AIG1: variants seen among roughly 807,000 people sequenced by gnomAD.
AIG1 encodes the protein androgen induced 1, also known as androgen-induced gene 1 protein.
In AIG1, 23 loss-of-function variants were observed where a neutral mutation model predicts 31.4. The observed-to-expected ratio is 0.73, with a 90% CI of 0.53 to 1.04. The LOEUF (loss-of-function observed/expected upper bound fraction) is 1.04. Ranked by LOEUF, AIG1 falls within the 50% of genes least tolerant of loss-of-function variation. The probability of loss-of-function intolerance (pLI) is 0.00; values close to 1 mark genes in which losing one functional copy is unlikely to be tolerated. For synonymous variants in AIG1, 100 were observed against 110.5 expected (o/e 0.90, Z 0.60); for missense variants, 274 against 295.0 (o/e 0.93, Z 0.52).
chr6:143,244,100 T>C (rs1050699637), intron 3 of AIG1, among the ~76,000 whole-genome samples: 1 of 152,220 alleles, frequency 6.6e-6, no homozygotes, highest in Non-Finnish European at 1.5e-5. Flanking sequence ...GAGGGAATCA[T>C]ACCCAGCAGC....
chr6:143,060,555 C>T, upstream of AIG1: 1 of 342,830 alleles, frequency 2.9e-6, no homozygotes, highest in Non-Finnish European at 6.5e-6. Context: ...CCCGAGCCCT[C>T]GTAGCACTCA....
At chr6:143,099,305 A>G (rs1780048261) in intron 1 of AIG1, among the ~76,000 whole-genome samples, 1 of 152,236 alleles carries the variant, frequency 6.6e-6, no homozygotes, top group Admixed American at 6.5e-5. Context: ...TTTCTAACTA[A>G]CAATGTAGAT....
intron 3 of AIG1, among the ~76,000 whole-genome samples, chr6:143,252,002 G>A (rs888580270): frequency 6.6e-6 from 1 of 152,068 alleles, no homozygotes; most frequent in African/African-American, 2.4e-5. Flanking sequence ...TGTCCCTTTC[G>A]CGTATCACTT....
chr6:143,272,027 T>C (rs1796560479), intron 3 of AIG1, among the ~76,000 whole-genome samples: 1 of 152,206 alleles, frequency 6.6e-6, no homozygotes. Flanking sequence ...CCTAAAGTAC[T>C]TCCAATGCAT....
intron 3 of AIG1, among the ~76,000 whole-genome samples, chr6:143,265,793 C>T (rs1156436364): frequency 6.6e-6 from 1 of 152,164 alleles, no homozygotes; most frequent in African/African-American, 2.4e-5. Flanking sequence ...GTAATGCCTT[C>T]GGTATTCACA....
At chr6:143,281,865 A>G (rs1797360338) in intron 3 of AIG1, among the ~76,000 whole-genome samples, 1 of 152,180 alleles carries the variant, frequency 6.6e-6, no homozygotes, top group Non-Finnish European at 1.5e-5. Context: ...GCTAGCCACA[A>G]AAAGATCTTT....
intron 3 of AIG1, among the ~76,000 whole-genome samples, chr6:143,242,984 A>G (rs970529444): frequency 6.6e-6 from 1 of 152,182 alleles, no homozygotes; most frequent in Admixed American, 6.5e-5. Context: ...CTGATGGCCT[A>G]TATGAATGAC....
chr6:143,113,731 A>G (rs146915150), intron 1 of AIG1, among the ~76,000 whole-genome samples: 161 of 152,310 alleles, frequency 1.1e-3, no homozygotes, highest in African/African-American at 3.6e-3. Flanking sequence ...ACAGACAAAC[A>G]CTGTAAATGT....
intron 1 of AIG1, among the ~76,000 whole-genome samples, chr6:143,125,595 A>G (rs952369862): frequency 6.6e-6 from 1 of 152,128 alleles, no homozygotes; most frequent in Non-Finnish European, 1.5e-5. Flanking sequence ...CTGGGGGGGA[A>G]TTTTCTATCA....
In AIG1 at chr6:143,189,904, T is replaced by C. The variant is rs555117115; in HGVS notation, c.399+24721T>C. ...AACATAAATTTATTTATCATAGTTC[T>C]AGAGCCTGGGAAGTCCAAGAGCTGG... On this transcript the variant is annotated intron_variant, in intron 3 of 5. Transcript: ENST00000357847. 3 of 855,316 alleles carry C rather than the reference T, an allele frequency of 3.5e-6. No homozygotes were observed. In the East Asian group the frequency reaches 3.7e-4, roughly 105 times the overall value. The allele number at this position is 855,316 out of a possible 1,614,324, so 53.0% of individuals were successfully genotyped here.
At chr6:143,196,363 A>G (rs1226123343) in intron 3 of AIG1, among the ~76,000 whole-genome samples, 18 of 147,150 alleles carry the variant, frequency 1.2e-4, no homozygotes, top group African/African-American at 4.0e-4. Flanking sequence ...ACACACACAC[A>G]CACACACACA....
chr6:143,166,085 C>T (rs1235971244), intron 3 of AIG1, among the ~76,000 whole-genome samples: 1 of 152,124 alleles, frequency 6.6e-6, no homozygotes, highest in Non-Finnish European at 1.5e-5. Context: ...TTCCCTTCTG[C>T]CCCCAATTTT....
chr6:143,079,720 GA>G (rs778600551), intron 1 of AIG1, among the ~76,000 whole-genome samples: 2 of 149,830 alleles, frequency 1.3e-5, no homozygotes, highest in Non-Finnish European at 3.0e-5. Context: ...TTGTCTTAGT[GA>G]ATATATGAAT....
chr6:143,222,289 T>C (rs943126425), intron 3 of AIG1, among the ~76,000 whole-genome samples: 5 of 152,184 alleles, frequency 3.3e-5, no homozygotes, highest in Non-Finnish European at 7.3e-5. Context: ...CTTCTGTCTG[T>C]TCCCCCATAG....
At chr6:143,220,106 G>A (rs1441903920) in intron 3 of AIG1, among the ~76,000 whole-genome samples, 1 of 152,054 alleles carries the variant, frequency 6.6e-6, no homozygotes, top group Admixed American at 6.5e-5. Context: ...AGGGGGCAGG[G>A]GGCAGGTCAC....
chr6:143,164,734 G>GA (rs1443007196), intron 2 of AIG1, among the ~76,000 whole-genome samples: 4 of 152,092 alleles, frequency 2.6e-5, no homozygotes, highest in Non-Finnish European at 5.9e-5. Flanking sequence ...AATGGGATCC[G>GA]AAAAAACCAC....
In AIG1 at chr6:143,334,165, G is replaced by A. The variant is rs1777300440; in HGVS notation, c.679+720G>A. On this transcript the variant is annotated intron_variant, in intron 5 of 5. Transcript: ENST00000357847. The surrounding 1 kb of genome is among the most constrained non-coding windows in gnomAD (Gnocchi z 5.1). The stretch of plus-strand genomic sequence containing the variant: ...TGTACAATAACATAAAAATTGAAAG[G>A]TGGAAAAAGCGCCAGCACAGACATG... 3.4e-6 allele frequency: 5 copies of A among 1,476,756 alleles called. No homozygotes were observed. The African/African-American group carries it at 4.2e-5, about 12-fold the overall frequency. The allele number at this position is 1,476,756 out of a possible 1,614,324, so 91.5% of individuals were successfully genotyped here. A position where few individuals can be genotyped will look rare whatever the true frequency, so the allele number is the denominator to read the frequency against.
At chr6:143,276,411 T>G (rs1220289235) in intron 3 of AIG1, among the ~76,000 whole-genome samples, 1 of 152,186 alleles carries the variant, frequency 6.6e-6, no homozygotes, top group African/African-American at 2.4e-5. Flanking sequence ...TCACCTTGGG[T>G]CACTGTTTCT....
intron 2 of AIG1, among the ~76,000 whole-genome samples, chr6:143,153,378 C>T (rs919248300): frequency 6.6e-6 from 1 of 152,122 alleles, no homozygotes; most frequent in African/African-American, 2.4e-5. Context: ...GATGGAGTCT[C>T]GCTCTGTCAC....
Sources: gnomAD v4.1 joint callset for allele counts (sites outside exome capture counted in the v4.1 genomes callset) on GRCh38, gnomAD v4.1.1 for gene constraint, Gnocchi (gnomAD v3.1) non-coding constraint, MANE v1.5 for transcripts, NCBI Gene and HGNC (gene_info 2026-07-23, HGNC 2026-07-21) for gene names.